The following ITGA4 variants were observed in gnomAD, a reference collection of about 807,000 sequenced individuals.
ITGA4 encodes integrin subunit alpha 4, also known as integrin alpha-4.
A neutral mutation model predicts 133.6 loss-of-function variants in ITGA4; 63 were observed. The ratio of observed to expected loss-of-function variants is 0.47; its 90% CI spans 0.38 to 0.58. The LOEUF is 0.58. Ranked by LOEUF, ITGA4 falls within the 20% of genes least tolerant of loss-of-function variation. The pLI is 0.00. For missense variants in ITGA4, 1,076 were observed against 1,252.7 expected, an observed-to-expected ratio of 0.86 and a Z score of 2.13; for synonymous variants, 483 against 438.0, an observed-to-expected ratio of 1.10 and a Z score of -1.28.
At chr2:181,525,907 C>T (rs1186696972) in intron 21 of ITGA4, among the ~76,000 whole-genome samples, 1 of 152,198 alleles carries the variant, frequency 6.6e-6, no homozygotes, top group Non-Finnish European at 1.5e-5. Flanking sequence ...TTACGGAAAC[C>T]TTCAGTAATT....
chr2:181,497,187 G>A (rs1016096005), intron 14 of ITGA4, among the ~76,000 whole-genome samples: 1 of 152,148 alleles, frequency 6.6e-6, no homozygotes, highest in Non-Finnish European at 1.5e-5. Flanking sequence ...AGTAGATGAC[G>A]CTCTTTCCTT....
intron 27 of ITGA4, 78 bp from the exon 28 acceptor site, chr2:181,535,354 T>G: frequency 4.5e-6 from 5 of 1,111,558 alleles, no homozygotes; most frequent in Non-Finnish European, 6.4e-6. Flanking sequence ...TGTTAACTGC[T>G]TAGATATTAG....
intron 20 of ITGA4, among the ~76,000 whole-genome samples, chr2:181,524,582 T>G (rs527463081): frequency 1.3e-5 from 2 of 152,296 alleles, no homozygotes; most frequent in African/African-American, 4.8e-5. Context: ...TCCATAGATA[T>G]GTCTCCTAGA....
rs547068990 is a variant in ITGA4, at chr2:181,495,929, G to C, written c.1532G>C (p.Gly511Ala). Reference sequence around the variant, plus strand: ...TCATATAAGGGCAAGGAAGTTCCAGGTTACATTGGTGGGTATGCCCTACAA... The same window carrying C: ...TCATATAAGGGCAAGGAAGTTCCAGCTTACATTGGTGGGTATGCCCTACAA... Reference protein sequence around the residue: ...CFSYKGKEVPGYIVLFYNMSL... With the variant: ...CFSYKGKEVPAYIVLFYNMSL... Residue 511 changes from glycine (G) to alanine (A), a missense_variant, in exon 14 of 28, where the codon GGT (glycine) becomes GCT (alanine). Gly to Ala is a moderately conservative substitution (Grantham distance 60). Coordinates refer to ENST00000397033, the MANE Select transcript of ITGA4 (RefSeq NM_000885.6). The surrounding 1 kb of genome is among the most constrained non-coding windows in gnomAD (Gnocchi z 4.3). 6.2e-7 allele frequency: 1 copy of C among 1,613,692 alleles called. No homozygotes were observed. The highest frequency in any genetic ancestry group is 1.7e-5 in the Admixed American group (1 of 59,968).
At chr2:181,534,687 C>T in intron 26 of ITGA4, 129 bp from the exon 27 acceptor site, 2 of 767,200 alleles carry the variant, frequency 2.6e-6, no homozygotes, top group Non-Finnish European at 4.2e-6. Flanking sequence ...TTAGAACCAG[C>T]AAGAAAATGG....
At position 181,538,560 on chromosome 2, in the gene ITGA4, A is replaced by G. The variant is rs564791316; in HGVS notation, c.*3033A>G. ...CTTCTTCTAACCACTGAGTGTCACAATGCCTACCAAGAATGCGTTTGCAGG... is the reference window on the plus strand; with the variant it reads ...CTTCTTCTAACCACTGAGTGTCACAGTGCCTACCAAGAATGCGTTTGCAGG... On this transcript the variant is annotated 3_prime_UTR_variant, in exon 28 of 28. Coordinates refer to ENST00000397033, the MANE Select transcript of ITGA4 (RefSeq NM_000885.6). 2.4e-4 allele frequency among the ~76,000 whole-genome samples: 36 copies of G among 152,286 alleles called. No homozygotes were observed. The highest frequency in any genetic ancestry group is 8.7e-4 in the African/African-American group (36 of 41,570).
Position 181,523,655 on chromosome 2 carries a change from T to C in ITGA4, c.2169+123T>C. The C allele has an allele frequency of 3.4e-6, 2 of 581,462 alleles. No homozygotes were observed. Among genetic ancestry groups the C allele is most frequent in the South Asian group, 2.3e-5 (1 of 43,470 alleles). 36.0% of individuals were successfully genotyped at this position (581,462 alleles called of 1,614,324 possible). On this transcript the variant is annotated intron_variant, in intron 19 of 27. Coordinates refer to ENST00000397033, the MANE Select transcript of ITGA4 (RefSeq NM_000885.6). This position sits in a 1 kb window ranked among gnomAD's most constrained non-coding sequence, Gnocchi z 4.2. ...TAGCTTGGGGTAGGTAGCTGAGTGA[T>C]GAAATAAAACTGGTTCTTGAAATCT...
chr2:181,527,457 G>A (rs1686857007), intron 22 of ITGA4, 70 bp downstream of exon 22: 2 of 1,042,572 alleles, frequency 1.9e-6, no homozygotes, highest in South Asian at 2.6e-5. Flanking sequence ...TGCTCCAAGG[G>A]ACATTGTACA....
chr2:181,480,103 A>T (rs1465778015), intron 5 of ITGA4, 34 bp from the exon 6 acceptor site: 2 of 1,477,864 alleles, frequency 1.4e-6, no homozygotes, highest in Non-Finnish European at 1.8e-6. Context: ...GTGAGATTAA[A>T]GTTTAAATAA....
chr2:181,521,066 A>C (rs1021442407), intron 17 of ITGA4, among the ~76,000 whole-genome samples: 1 of 152,198 alleles, frequency 6.6e-6, no homozygotes, highest in Non-Finnish European at 1.5e-5. Flanking sequence ...TTATTGAAGA[A>C]ACTTTCTAAA....
intron 2 of ITGA4, among the ~76,000 whole-genome samples, chr2:181,472,867 C>G (rs1163994304): frequency 6.6e-6 from 1 of 152,100 alleles, no homozygotes; most frequent in African/African-American, 2.4e-5. Flanking sequence ...CAAGTTAACA[C>G]GGAGACCTTA....
At chr2:181,497,382 C>A (rs1005518149) in intron 14 of ITGA4, among the ~76,000 whole-genome samples, 6 of 152,018 alleles carry the variant, frequency 3.9e-5, no homozygotes, top group Non-Finnish European at 8.8e-5. Context: ...TTAATAAAAC[C>A]AGGACATTTT....
At chr2:181,469,522 C>T (rs1685496096) in intron 2 of ITGA4, among the ~76,000 whole-genome samples, 1 of 152,136 alleles carries the variant, frequency 6.6e-6, no homozygotes, top group African/African-American at 2.4e-5. Flanking sequence ...CCTCAAGGAT[C>T]TAGAACTAGA....
At chr2:181,470,994 C>G (rs1685537333) in intron 2 of ITGA4, among the ~76,000 whole-genome samples, 1 of 152,126 alleles carries the variant, frequency 6.6e-6, no homozygotes, top group Non-Finnish European at 1.5e-5. Flanking sequence ...AAAGTTACCT[C>G]AATATTATTG....
At chr2:181,487,601 A>G (rs1574390633) in intron 10 of ITGA4, among the ~76,000 whole-genome samples, 1 of 152,218 alleles carries the variant, frequency 6.6e-6, no homozygotes, top group Admixed American at 6.5e-5. Context: ...TTTATCTATT[A>G]CAAGCCTGGT....
At chr2:181,534,736 G>A in intron 26 of ITGA4, 80 bp from the exon 27 acceptor site, 1 of 1,220,860 alleles carries the variant, frequency 8.2e-7, no homozygotes, top group African/African-American at 1.5e-5. Context: ...TTATGGCAGG[G>A]CTTTAAAGGA....
rs201654650 is a variant in ITGA4, at chr2:181,537,032, G to C, written c.*1505G>C. On this transcript the variant is annotated 3_prime_UTR_variant, in exon 28 of 28. Coordinates refer to ENST00000397033, the MANE Select transcript of ITGA4 (RefSeq NM_000885.6). The stretch of plus-strand genomic sequence containing the variant: ...TGGTGAGGAATGTTCTGAGATTTGC[G>C]AAGGCATTTGAGTAGTGAAATGTAA... 12 of 444,074 alleles carry C rather than the reference G, an allele frequency of 2.7e-5. No individual in the cohort carries two copies. The Middle Eastern group carries it at 2.2e-3, about 81-fold the overall frequency. 27.5% of individuals were successfully genotyped at this position (444,074 alleles called of 1,614,324 possible).
At chr2:181,494,131 T>C (rs1352631003) in intron 11 of ITGA4, among the ~76,000 whole-genome samples, 1 of 152,210 alleles carries the variant, frequency 6.6e-6, no homozygotes, top group Non-Finnish European at 1.5e-5. Flanking sequence ...AACCTGTATG[T>C]GAACATGAAA....
rs1043595571 is a variant in ITGA4 at position 181,516,986 on chromosome 2, A to G, written c.1923-5205A>G. On this transcript the variant is annotated intron_variant, in intron 17 of 27. Coordinates refer to ENST00000397033, the MANE Select transcript of ITGA4 (RefSeq NM_000885.6). The surrounding 1 kb of genome is among the most constrained non-coding windows in gnomAD (Gnocchi z 4.0). The stretch of plus-strand genomic sequence containing the variant: ...TGCTAATTACTGGTTCAATCTTCCA[A>G]TTTAAGTTTTTCTGCTGTTCTTCCC... Among the ~76,000 whole-genome samples the G allele has an allele frequency of 6.6e-6, 1 of 152,114 alleles. No individual in the cohort carries two copies. Among genetic ancestry groups the G allele is most frequent in the South Asian group, 2.1e-4 (1 of 4,828 alleles).
Sources: gnomAD v4.1 joint callset for allele counts (sites outside exome capture counted in the v4.1 genomes callset) on GRCh38, gnomAD v4.1.1 for gene constraint, Gnocchi (gnomAD v3.1) non-coding constraint, MANE v1.5 for transcripts, NCBI Gene and HGNC (gene_info 2026-07-23, HGNC 2026-07-21) for gene names.